Variants in PHACTR2 observed in about 807,000 individuals in gnomAD.
PHACTR2 encodes the protein chromosome 6 open reading frame 56.
In PHACTR2, 30 loss-of-function variants were observed where a neutral mutation model predicts 76.0. That is an observed-to-expected ratio of 0.39 (90% CI 0.30 to 0.54). The LOEUF (loss-of-function observed/expected upper bound fraction) is 0.54. Among genes scored for constraint, PHACTR2 ranks in the 20% least tolerant of loss-of-function variants. The pLI, the probability that PHACTR2 is intolerant of heterozygous loss-of-function variation, is 0.61. For synonymous variants in PHACTR2, 292 were observed against 292.5 expected (o/e 1.00, Z 0.02); for missense variants, 696 against 781.1 (o/e 0.89, Z 1.30).
intron 2 of PHACTR2, among the ~76,000 whole-genome samples, chr6:143,718,089 A>C (rs1339809969): frequency 6.6e-6 from 1 of 152,098 alleles, no homozygotes; most frequent in Non-Finnish European, 1.5e-5. Context: ...TAAAATGGAG[A>C]CTTTTATTTG....
At chr6:143,636,492 G>A (rs976836062) in intron 1 of PHACTR2, among the ~76,000 whole-genome samples, 1 of 152,102 alleles carries the variant, frequency 6.6e-6, no homozygotes, top group Non-Finnish European at 1.5e-5. Flanking sequence ...TCAAAGAGTA[G>A]CCAATAAATC....
Position 143,625,740 on chromosome 6 carries a change from G to C in PHACTR2, c.13+17418G>C, listed in dbSNP as rs778193661. On this transcript the variant is annotated intron_variant, in intron 1 of 11. Transcript: ENST00000305766. This position sits in a 1 kb window ranked among gnomAD's most constrained non-coding sequence, Gnocchi z 4.3. ...CCTACTGGGTCAGGCACTCTTCCGG[G>C]TGCAGTGAATGGGGCAGTGATGAGA... Among the ~76,000 whole-genome samples the C allele has an allele frequency of 2.6e-5, 4 of 152,170 alleles. No homozygotes were observed. The highest frequency in any genetic ancestry group is 4.4e-5 in the Non-Finnish European group (3 of 68,040).
At position 143,736,697 on chromosome 6, in the gene PHACTR2, C is replaced by G. The variant is rs182731068; in HGVS notation, c.215-12288C>G. On this transcript the variant is annotated intron_variant, in intron 2 of 12. Coordinates refer to ENST00000440869, the MANE Select transcript of PHACTR2 (RefSeq NM_001100164.2). ...TCAAGCCATTCTCCTGCCTGAGCCT[C>G]GGAGTAGCTGGGACTACAGGCACCC... 9.0e-4 allele frequency among the ~76,000 whole-genome samples: 135 copies of G among 149,198 alleles called. 2 individuals carry two copies. In the East Asian group the frequency reaches 0.026, roughly 29 times the overall value.
rs921891848 is a variant in PHACTR2 at position 143,708,732 on chromosome 6, G to A, written c.47-3284G>A. Among the ~76,000 whole-genome samples, 4 of 152,180 alleles carry A rather than the reference G, an allele frequency of 2.6e-5. No individual in the cohort carries two copies. Among genetic ancestry groups the A allele is most frequent in the African/African-American group, 9.7e-5 (4 of 41,444 alleles). Reference sequence around the variant, plus strand: ...TCCTCACATTCATGATTTAAGAGAAGTACAATGGCACATCGGCCAACTGTG... The same window carrying A: ...TCCTCACATTCATGATTTAAGAGAAATACAATGGCACATCGGCCAACTGTG... On this transcript the variant is annotated intron_variant, in intron 1 of 12. Transcript: ENST00000440869. The surrounding 1 kb of genome is among the most constrained non-coding windows in gnomAD (Gnocchi z 5.5).
chr6:143,713,974 A>T (rs1778244501), intron 2 of PHACTR2, among the ~76,000 whole-genome samples: 1 of 152,222 alleles, frequency 6.6e-6, no homozygotes, highest in African/African-American at 2.4e-5. Flanking sequence ...TTGGAGAAAG[A>T]TGTCATATCT....
chr6:143,565,481 G>C (rs895285833), intron 1 of PHACTR2, among the ~76,000 whole-genome samples: 5 of 152,096 alleles, frequency 3.3e-5, no homozygotes, highest in African/African-American at 4.8e-5. Context: ...AGCCGGGCGT[G>C]GTGGTGGGCG....
At chr6:143,719,523 T>C (rs1487706549) in intron 2 of PHACTR2, among the ~76,000 whole-genome samples, 1 of 149,856 alleles carries the variant, frequency 6.7e-6, no homozygotes, top group Non-Finnish European at 1.5e-5. Context: ...CTAATTTTTG[T>C]ATTTTTAGTA....
chr6:143,556,412 A>G lies in PHACTR2; in HGVS notation c.217+19205A>G, dbSNP rs1253341332. ...AAGTAGTGCATTTTACTAAATGGAG[A>G]AAACATTGAAGGCAGCCAGCTTGAT... On this transcript the variant is annotated intron_variant, in intron 1 of 11. Coordinates refer to the PHACTR2 transcript ENST00000367584. This position sits in a 1 kb window ranked among gnomAD's most constrained non-coding sequence, Gnocchi z 4.3. Among the ~76,000 whole-genome samples, 1 of 152,246 alleles carries G rather than the reference A, an allele frequency of 6.6e-6. No individual in the cohort carries two copies. Among genetic ancestry groups the G allele is most frequent in the African/African-American group, 2.4e-5 (1 of 41,460 alleles).
intron 1 of PHACTR2, among the ~76,000 whole-genome samples, chr6:143,577,492 G>T (rs569174997): frequency 6.6e-6 from 1 of 152,054 alleles, no homozygotes; most frequent in Non-Finnish European, 1.5e-5. Flanking sequence ...AGCAAAAAAA[G>T]GTGTGAAAAA....
At position 143,800,578 on chromosome 6, in the gene PHACTR2, C is replaced by T. The variant is rs2128482256; in HGVS notation, c.1846-6479C>T. Among the ~76,000 whole-genome samples, 1 of 152,204 alleles carries T rather than the reference C, an allele frequency of 6.6e-6. No individual in the cohort carries two copies. The highest frequency in any genetic ancestry group is 1.9e-4 in the East Asian group (1 of 5,176). ...ACCCAGCCCATCCCTTTATTTTGAGCCTATGTGTGTCTTTGCATGTGAGAT... is the reference window on the plus strand; with the variant it reads ...ACCCAGCCCATCCCTTTATTTTGAGTCTATGTGTGTCTTTGCATGTGAGAT... On this transcript the variant is annotated intron_variant, in intron 11 of 12. Coordinates refer to ENST00000440869, the MANE Select transcript of PHACTR2 (RefSeq NM_001100164.2). The surrounding 1 kb of genome is among the most constrained non-coding windows in gnomAD (Gnocchi z 4.8).
rs201524736 is a variant in PHACTR2, at chr6:143,712,179, G to C, written c.210G>C (p.Ser70=). ...KKTSDKFRET[S]AVLERKISTR... is the part of the protein sequence containing the mutation. ...CCAGCGACAAATTTAGAGAAACCTC[G>C]GCAGGTATGAGTATCATAACTTGTT... Residue 70 remains serine, a synonymous_variant, in exon 2 of 13, where the codon TCG becomes TCC. Coordinates refer to ENST00000440869, the MANE Select transcript of PHACTR2 (RefSeq NM_001100164.2). 1.3e-6 allele frequency: 2 copies of C among 1,520,540 alleles called. No individual in the cohort carries two copies. Among genetic ancestry groups the C allele is most frequent in the Non-Finnish European group, 1.8e-6 (2 of 1,137,884 alleles). 94.2% of individuals were successfully genotyped at this position (1,520,540 alleles called of 1,614,324 possible). A position where few individuals can be genotyped will look rare whatever the true frequency, so the allele number is the denominator to read the frequency against.
rs965527975 is a variant in PHACTR2 at position 143,787,018 on chromosome 6, A to G, written c.1708-1755A>G. Reference sequence around the variant, plus strand: ...AGTTTTCAATGGCCCTTAAGTTACCATCTGTAGACAATCAATCACCCCCTC... The same window carrying G: ...AGTTTTCAATGGCCCTTAAGTTACCGTCTGTAGACAATCAATCACCCCCTC... On this transcript the variant is annotated intron_variant, in intron 10 of 12. Coordinates refer to ENST00000440869, the MANE Select transcript of PHACTR2 (RefSeq NM_001100164.2). This position sits in a 1 kb window ranked among gnomAD's most constrained non-coding sequence, Gnocchi z 4.6. Among the ~76,000 whole-genome samples, 1 of 152,132 alleles carries G rather than the reference A, an allele frequency of 6.6e-6. No individual in the cohort carries two copies. Among genetic ancestry groups the G allele is most frequent in the East Asian group, 1.9e-4 (1 of 5,202 alleles).
Position 143,549,096 on chromosome 6 carries a change from G to T in PHACTR2, c.217+11889G>T, listed in dbSNP as rs185206865. 6.6e-6 allele frequency among the ~76,000 whole-genome samples: 1 copy of T among 151,904 alleles called. No homozygotes were observed. ...CATGGTGCCTGATCTCCTCCCCAGCGAACATGCCAGTCTGTAGGGTGCACA... is the reference window on the plus strand; with the variant it reads ...CATGGTGCCTGATCTCCTCCCCAGCTAACATGCCAGTCTGTAGGGTGCACA... On this transcript the variant is annotated intron_variant, in intron 1 of 11. Coordinates refer to the PHACTR2 transcript ENST00000367584. This position sits in a 1 kb window ranked among gnomAD's most constrained non-coding sequence, Gnocchi z 4.2.
rs781179255 is a variant in PHACTR2, at chr6:143,801,531, G to A, written c.1846-5526G>A. Among the ~76,000 whole-genome samples, 3 of 152,084 alleles carry A rather than the reference G, an allele frequency of 2.0e-5. No homozygotes were observed. Among genetic ancestry groups the A allele is most frequent in the African/African-American group, 7.2e-5 (3 of 41,422 alleles). On this transcript the variant is annotated intron_variant, in intron 11 of 12. Coordinates refer to ENST00000440869, the MANE Select transcript of PHACTR2 (RefSeq NM_001100164.2). The surrounding 1 kb of genome is among the most constrained non-coding windows in gnomAD (Gnocchi z 4.6). ...GTATGCTTCACGGAGTTCTCGTACT[G>A]TAGTTTTCAGCTCCATCAGGTTATT...
chr6:143,812,900 T>A (rs1776210799), intron 12 of PHACTR2, among the ~76,000 whole-genome samples: 1 of 152,146 alleles, frequency 6.6e-6, no homozygotes, highest in Non-Finnish European at 1.5e-5. Context: ...ATAAAATAAC[T>A]CTCTAAATTC....
At chr6:143,781,688 A>T (rs1405621075) in intron 9 of PHACTR2, among the ~76,000 whole-genome samples, 2 of 152,222 alleles carry the variant, frequency 1.3e-5, no homozygotes, top group African/African-American at 4.8e-5. Context: ...CACAAGCTTT[A>T]TCCAACTCAT....
intron 1 of PHACTR2, among the ~76,000 whole-genome samples, chr6:143,661,949 A>G (rs992647525): frequency 2.6e-5 from 4 of 152,166 alleles, no homozygotes; most frequent in South Asian, 2.1e-4. Context: ...CCCTCATTGC[A>G]TTGGAGGGTG....
chr6:143,821,192 T>C lies in PHACTR2; in HGVS notation c.1923-2482T>C, dbSNP rs1380779787. Among the ~76,000 whole-genome samples the C allele has an allele frequency of 6.6e-6, 1 of 152,248 alleles. No homozygotes were observed. The highest frequency in any genetic ancestry group is 1.5e-5 in the Non-Finnish European group (1 of 68,040). On this transcript the variant is annotated intron_variant, in intron 12 of 12. Transcript: ENST00000440869. This position sits in a 1 kb window ranked among gnomAD's most constrained non-coding sequence, Gnocchi z 5.2. ...ATCTGCCCAAGGTTACAGTCAGGGA[T>C]AGACTAAGAACAGAACTCAAAGTGG...
chr6:143,769,419 A>G (rs141149279), intron 6 of PHACTR2, among the ~76,000 whole-genome samples: 1 of 152,302 alleles, frequency 6.6e-6, no homozygotes, highest in Non-Finnish European at 1.5e-5. Flanking sequence ...TATATTTAAC[A>G]TCAGATATAA....
Sources: allele counts gnomAD v4.1 joint callset (sites outside exome capture counted in the v4.1 genomes callset), GRCh38; gene constraint gnomAD v4.1.1; non-coding constraint Gnocchi (gnomAD v3.1); transcripts MANE v1.5; gene names NCBI Gene and HGNC (gene_info 2026-07-23, HGNC 2026-07-21).